KHDRBS2: variants seen among roughly 807,000 people sequenced by gnomAD.
KHDRBS2 encodes KH RNA binding domain containing, signal transduction associated 2, also known as KH domain-containing, RNA-binding, signal transduction-associated protein 2.
KHDRBS2 carries 26 observed loss-of-function variants against 44.3 expected under a neutral mutation model. The ratio of observed to expected loss-of-function variants is 0.59; its 90% confidence interval spans 0.43 to 0.81. KHDRBS2 has a LOEUF of 0.81. Ranked by LOEUF, KHDRBS2 falls within the 40% of genes least tolerant of loss-of-function variation. The probability of loss-of-function intolerance (pLI) is 0.00; values close to 1 mark genes in which losing one functional copy is unlikely to be tolerated. For synonymous variants in KHDRBS2, 194 were observed against 151.1 expected (o/e 1.28, Z -2.08); for missense variants, 476 against 433.1 (o/e 1.10, Z -0.88).
intron 8 of KHDRBS2, among the ~76,000 whole-genome samples, chr6:61,690,976 C>G (rs1767338474): frequency 6.6e-6 from 1 of 152,018 alleles, no homozygotes; most frequent in Admixed American, 6.6e-5. Context: ...TATTCTCAAC[C>G]TTAGCTTACA....
chr6:61,795,867 A>T (rs62416608), intron 6 of KHDRBS2, among the ~76,000 whole-genome samples: 57,257 of 151,936 alleles, frequency 0.38, 11,959 homozygotes, highest in African/African-American at 0.57. Flanking sequence ...TGAAATAATA[A>T]GAGTTATATT....
intron 2 of KHDRBS2, among the ~76,000 whole-genome samples, chr6:62,093,994 G>C (rs1453323904): frequency 6.6e-6 from 1 of 151,780 alleles, no homozygotes; most frequent in African/African-American, 2.4e-5. Context: ...ACATGAGAGT[G>C]CAGATATCTT....
chr6:62,030,839 T>C (rs1784215207), intron 3 of KHDRBS2, among the ~76,000 whole-genome samples: 1 of 152,090 alleles, frequency 6.6e-6, no homozygotes, highest in South Asian at 2.1e-4. Context: ...CATATATAAA[T>C]CGTCATAGTA....
At chr6:61,709,743 TAC>T (rs1770182622) in intron 7 of KHDRBS2, among the ~76,000 whole-genome samples, 1 of 151,676 alleles carries the variant, frequency 6.6e-6, no homozygotes, top group Non-Finnish European at 1.5e-5. Flanking sequence ...GGCTCAGTGG[TAC>T]ATGACGTTAT....
intron 6 of KHDRBS2, among the ~76,000 whole-genome samples, chr6:61,826,111 A>G (rs1447475017): frequency 1.3e-5 from 2 of 152,056 alleles, no homozygotes; most frequent in Non-Finnish European, 2.9e-5. Flanking sequence ...CCCCTAAATT[A>G]TTTTAGTCCT....
chr6:61,994,822 G>T (rs769619087), intron 3 of KHDRBS2, among the ~76,000 whole-genome samples: 1 of 152,164 alleles, frequency 6.6e-6, no homozygotes, highest in Admixed American at 6.6e-5. Context: ...GACAGAGTGC[G>T]TGTGGGGTCT....
chr6:61,795,532 T>C (rs1396689388), intron 6 of KHDRBS2, among the ~76,000 whole-genome samples: 1 of 152,098 alleles, frequency 6.6e-6, no homozygotes, highest in Non-Finnish European at 1.5e-5. Context: ...CTGATATAAA[T>C]TATATTTAAA....
At chr6:61,987,132 A>C (rs1242369015) in intron 3 of KHDRBS2, among the ~76,000 whole-genome samples, 1 of 152,212 alleles carries the variant, frequency 6.6e-6, no homozygotes. Flanking sequence ...TACTGTGTAA[A>C]CTTGGGCAAG....
intron 6 of KHDRBS2, among the ~76,000 whole-genome samples, chr6:61,778,665 G>A (rs752828500): frequency 4.6e-5 from 7 of 152,128 alleles, no homozygotes; most frequent in East Asian, 1.9e-4. Flanking sequence ...TAGTGCCACC[G>A]TGCCGCAAGT....
At chr6:62,045,450 CACCACTA>C (rs746268381) in intron 3 of KHDRBS2, among the ~76,000 whole-genome samples, 26 of 151,996 alleles carry the variant, frequency 1.7e-4, no homozygotes, top group Non-Finnish European at 3.2e-4. Flanking sequence ...TTGCTCCCAA[CACCACTA>C]ACCTCTTTTC....
chr6:62,216,518 A>G (rs563875429), intron 1 of KHDRBS2, among the ~76,000 whole-genome samples: 1 of 151,708 alleles, frequency 6.6e-6, no homozygotes, highest in Non-Finnish European at 1.5e-5. Context: ...GCAAAATAAG[A>G]CATCATCAGT....
chr6:61,594,291 C>G, the KHDRBS2 span, among the ~76,000 whole-genome samples: 1 of 151,956 alleles, frequency 6.6e-6, no homozygotes, highest in Non-Finnish European at 1.5e-5. Flanking sequence ...AGTTCAGTCC[C>G]ACATATTTAA....
chr6:62,134,331 G>A (rs1811017646), intron 2 of KHDRBS2, among the ~76,000 whole-genome samples: 1 of 152,142 alleles, frequency 6.6e-6, no homozygotes, highest in African/African-American at 2.4e-5. Flanking sequence ...ATGTGGTGTT[G>A]AGCCTGTAGG....
intron 4 of KHDRBS2, among the ~76,000 whole-genome samples, chr6:61,955,081 T>C (rs1489929642): frequency 7.2e-6 from 1 of 138,888 alleles, no homozygotes; most frequent in Admixed American, 7.3e-5. Flanking sequence ...TACGTGTGTA[T>C]GTATGCATAC....
chr6:62,105,569 G>A (rs976094803), intron 2 of KHDRBS2, among the ~76,000 whole-genome samples: 3 of 152,142 alleles, frequency 2.0e-5, no homozygotes, highest in African/African-American at 7.2e-5. Context: ...TTGCGTAGAG[G>A]TGTTTGTAGT....
chr6:62,212,791 G>T (rs773356123), intron 1 of KHDRBS2, among the ~76,000 whole-genome samples: 4 of 152,124 alleles, frequency 2.6e-5, no homozygotes, highest in Non-Finnish European at 2.9e-5. Flanking sequence ...CTGGCCTCCA[G>T]AACTGTAATA....
chr6:62,199,472 C>T (rs997082875), intron 1 of KHDRBS2, among the ~76,000 whole-genome samples: 3 of 152,154 alleles, frequency 2.0e-5, no homozygotes, highest in African/African-American at 7.2e-5. Context: ...TATGAGTGAA[C>T]TCCCATTCAC....
At chr6:62,155,804 T>A (rs566004613) in intron 2 of KHDRBS2, among the ~76,000 whole-genome samples, 13 of 152,216 alleles carry the variant, frequency 8.5e-5, no homozygotes, top group Non-Finnish European at 1.8e-4. Flanking sequence ...TTCACATAAG[T>A]CATTTACATG....
At chr6:62,190,033 G>A (rs147730507) in intron 1 of KHDRBS2, among the ~76,000 whole-genome samples, 41 of 152,162 alleles carry the variant, frequency 2.7e-4, no homozygotes, top group Non-Finnish European at 4.6e-4. Flanking sequence ...AAGGAAGATC[G>A]CCAAGGACTG....
Sources: allele counts gnomAD v4.1 joint callset (sites outside exome capture counted in the v4.1 genomes callset), GRCh38; gene constraint gnomAD v4.1.1; transcripts MANE v1.5; gene names NCBI Gene and HGNC (gene_info 2026-07-23, HGNC 2026-07-21).